IL1R1: variants seen among roughly 807,000 people sequenced by gnomAD.
IL1R1 encodes the protein interleukin-1 receptor type 1.
In IL1R1, 22 loss-of-function variants were observed where a neutral mutation model predicts 50.2. The observed-to-expected ratio is 0.44, with a 90% CI of 0.31 to 0.63. The LOEUF is 0.63. IL1R1 is among the 20% of genes least tolerant of loss of function. The probability of loss-of-function intolerance (pLI) is 0.07; values close to 1 mark genes in which losing one functional copy is unlikely to be tolerated. For missense variants in IL1R1, 509 were observed against 676.2 expected, an observed-to-expected ratio of 0.75 and a Z score of 2.74; for synonymous variants, 251 against 236.7, an observed-to-expected ratio of 1.06 and a Z score of -0.55.
chr2:102,174,492 C>A (rs1685942303), intron 9 of IL1R1, 95 bp from the exon 10 acceptor site: 4 of 874,786 alleles, frequency 4.6e-6, no homozygotes, highest in Non-Finnish European at 6.7e-6. Context: ...CAGATATGGG[C>A]TCTCTGAGAC....
chr2:102,170,939 T>C (rs1468838879), intron 7 of IL1R1, among the ~76,000 whole-genome samples: 2 of 152,158 alleles, frequency 1.3e-5, no homozygotes, highest in African/African-American at 2.4e-5. Flanking sequence ...TGCACACCTG[T>C]AGTTCCAGCT....
intron 1 of IL1R1, among the ~76,000 whole-genome samples, chr2:102,130,315 C>T (rs1001096716): frequency 6.6e-6 from 1 of 152,162 alleles, no homozygotes; most frequent in African/African-American, 2.4e-5. Flanking sequence ...TTTGAACATT[C>T]TCAGTATTCC....
At chr2:102,176,233 T>A in intron 11 of IL1R1, 120 bp from the exon 12 acceptor site, 4 of 751,704 alleles carry the variant, frequency 5.3e-6, no homozygotes, top group Non-Finnish European at 8.5e-6. Context: ...TAATTTTAAG[T>A]AAGACAAGAA....
intron 1 of IL1R1, among the ~76,000 whole-genome samples, chr2:102,080,876 GA>G (rs1219830912): frequency 6.6e-6 from 1 of 152,202 alleles, no homozygotes; most frequent in Non-Finnish European, 1.5e-5. Flanking sequence ...TTCAGCCATG[GA>G]AAGGAGTGAA....
chr2:102,083,342 T>C (rs1679299013), intron 1 of IL1R1, among the ~76,000 whole-genome samples: 1 of 152,180 alleles, frequency 6.6e-6, no homozygotes, highest in Admixed American at 6.5e-5. Flanking sequence ...ACTTTTTTTT[T>C]CCTTTTGGGT....
intron 1 of IL1R1, among the ~76,000 whole-genome samples, chr2:102,118,317 G>T (rs886865208): frequency 1.3e-5 from 2 of 152,126 alleles, no homozygotes; most frequent in Non-Finnish European, 1.5e-5. Flanking sequence ...GCAAGGAAGC[G>T]CACTTCCCCT....
chr2:102,116,172 G>T (rs527463235), intron 1 of IL1R1, among the ~76,000 whole-genome samples: 2 of 152,330 alleles, frequency 1.3e-5, no homozygotes, highest in Admixed American at 6.5e-5. Context: ...ATGCATTGCT[G>T]CTTTCGACAT....
chr2:102,148,410 T>C (rs958407915), intron 1 of IL1R1, among the ~76,000 whole-genome samples: 16 of 152,306 alleles, frequency 1.1e-4, no homozygotes, highest in Middle Eastern at 6.8e-3. Context: ...GACATTTACT[T>C]AGGACAGTGC....
In IL1R1 at chr2:102,176,879, G is replaced by A. The variant is rs933436451; in HGVS notation, c.*120G>A. 4.6e-5 allele frequency: 44 copies of A among 948,102 alleles called. No individual in the cohort carries two copies. In the African/African-American group the frequency reaches 6.9e-4, roughly 15 times the overall value. 58.7% of individuals were successfully genotyped at this position (948,102 alleles called of 1,614,324 possible). On this transcript the variant is annotated 3_prime_UTR_variant, in exon 12 of 12. Coordinates refer to ENST00000410023, the MANE Select transcript of IL1R1 (RefSeq NM_000877.4). ...TGTAACTATATCATCCTTTATCCCT[G>A]AGGTCACCTGGAATCAGATTATTAA...
chr2:102,113,492 C>T (rs1190056880), intron 1 of IL1R1, among the ~76,000 whole-genome samples: 1 of 152,214 alleles, frequency 6.6e-6, no homozygotes, highest in African/African-American at 2.4e-5. Context: ...AAAACCAAAG[C>T]ATTCCAAAGC....
At position 102,142,815 on chromosome 2, in the gene IL1R1, G is replaced by C. The variant is rs1682774078; in HGVS notation, c.-289G>C. The C allele has an allele frequency of 6.8e-6, 1 of 147,870 alleles. No individual in the cohort carries two copies. Among genetic ancestry groups the C allele is most frequent in the Non-Finnish European group, 1.5e-5 (1 of 66,554 alleles). The allele number at this position is 147,870 out of a possible 1,614,324, so 9.2% of individuals were successfully genotyped here. On this transcript the variant is annotated 5_prime_UTR_variant, in exon 1 of 12. Coordinates refer to ENST00000410023, the MANE Select transcript of IL1R1 (RefSeq NM_000877.4). ...GAGCCGACTCGGAGCGCGCGGCGCC[G>C]GCCGGGAGGAGCCGGAGAGCGGCCG...
intron 8 of IL1R1, 83 bp downstream of exon 8, chr2:102,172,001 C>A: frequency 1.9e-6 from 1 of 528,514 alleles, no homozygotes; most frequent in Non-Finnish European, 3.0e-6. Flanking sequence ...AGTTTAAAAG[C>A]AAGTGTTAGT....
At chr2:102,127,540 G>C (rs891839825) in intron 1 of IL1R1, among the ~76,000 whole-genome samples, 10 of 152,098 alleles carry the variant, frequency 6.6e-5, no homozygotes, top group African/African-American at 2.4e-4. Context: ...ACATTCTAGA[G>C]GGGGTAGACA....
chr2:102,078,562 T>TCACACACACACACACA (rs35407722), intron 1 of IL1R1, among the ~76,000 whole-genome samples: 18 of 104,120 alleles, frequency 1.7e-4, no homozygotes, highest in African/African-American at 6.1e-4. Context: ...TCAAAAAACT[T>TCACACACACACACACA]CACACACACA....
intron 3 of IL1R1, among the ~76,000 whole-genome samples, chr2:102,160,603 C>T (rs1463952502): frequency 2.0e-5 from 3 of 152,102 alleles, no homozygotes; most frequent in Non-Finnish European, 4.4e-5. Flanking sequence ...CCACTCACCT[C>T]CTTATCCAAC....
exon 1 of IL1R1, chr2:102,070,400 T>C (rs2104257790): frequency 6.6e-6 from 1 of 152,296 alleles, no homozygotes; most frequent in Non-Finnish European, 1.5e-5. Flanking sequence ...ACTTGTATCT[T>C]TTCATATCAA....
At position 102,165,000 on chromosome 2, in the gene IL1R1, C is replaced by T. The variant is rs147135912; in HGVS notation, c.288C>T (p.Cys96=). ...TGGAGGATTCAGGACATTACTATTG[C>T]GTGGTAAGGTAAGAGAGGAATTAGT... is the stretch of plus-strand genomic sequence containing the variant. The part of the protein sequence containing the change: ...AKVEDSGHYY[C]VVRNSSYCLR... The change falls in exon 4 of 12, where the codon TGC becomes TGT. Residue 96 remains cysteine (C), a synonymous_variant. Transcript: ENST00000410023. 2.3e-5 allele frequency: 37 copies of T among 1,611,924 alleles called. No individual in the cohort carries two copies. Among genetic ancestry groups the T allele is most frequent in the African/African-American group, 1.6e-4 (12 of 74,868 alleles).
chr2:102,119,596 C>T (rs767658944), intron 1 of IL1R1, among the ~76,000 whole-genome samples: 12 of 152,128 alleles, frequency 7.9e-5, no homozygotes, highest in African/African-American at 2.2e-4. Flanking sequence ...ACATAAGAAC[C>T]GCAGATGACT....
At chr2:102,123,155 A>G (rs191735957) in intron 1 of IL1R1, among the ~76,000 whole-genome samples, 2 of 152,356 alleles carry the variant, frequency 1.3e-5, no homozygotes, top group East Asian at 3.9e-4. Flanking sequence ...ATTCCGATGC[A>G]ATGTTTGTTG....
Sources: gnomAD v4.1 joint callset for allele counts (sites outside exome capture counted in the v4.1 genomes callset) on GRCh38, gnomAD v4.1.1 for gene constraint, MANE v1.5 for transcripts, NCBI Gene and HGNC (gene_info 2026-07-23, HGNC 2026-07-21) for gene names.